The following CEMIP2 variants were observed in gnomAD, a reference collection of about 807,000 sequenced individuals.
The protein encoded by CEMIP2 is cell migration inducing hyaluronidase 2.
Under a neutral mutation model 146.9 loss-of-function variants are expected in CEMIP2, and 79 were observed. The ratio of observed to expected loss-of-function variants is 0.54; its 90% CI spans 0.45 to 0.65. The LOEUF is 0.65. CEMIP2 is among the 30% of genes least tolerant of loss of function. The pLI, the probability that CEMIP2 is intolerant of heterozygous loss-of-function variation, is 0.00. For missense variants in CEMIP2, 1,596 were observed against 1,696.2 expected (o/e 0.94, Z 1.04); for synonymous variants, 601 against 606.3 (o/e 0.99, Z 0.13).
At chr9:71,723,215 A>G (rs1823292548) in intron 11 of CEMIP2, among the ~76,000 whole-genome samples, 1 of 151,982 alleles carries the variant, frequency 6.6e-6, no homozygotes, top group Admixed American at 6.6e-5. Context: ...AAGGCTAAAG[A>G]GGAGCAAACA....
intron 1 of CEMIP2, among the ~76,000 whole-genome samples, chr9:71,764,419 AG>A (rs1824727220): frequency 6.6e-6 from 1 of 151,928 alleles, no homozygotes; most frequent in Non-Finnish European, 1.5e-5. Flanking sequence ...TATCTGAGAA[AG>A]AAAAAAAAAA....
chr9:71,709,417 C>T lies in CEMIP2; in HGVS notation c.2827G>A (p.Asp943Asn). The T allele has an allele frequency of 6.2e-6, 10 of 1,614,190 alleles. No homozygotes were observed. The highest frequency in any genetic ancestry group is 8.5e-6 in the Non-Finnish European group (10 of 1,180,018). Residue 943 changes from aspartate to asparagine, a missense_variant, in exon 17 of 24, where the codon GAT becomes AAT. Asp to Asn is a conservative substitution (Grantham distance 23). Transcript: ENST00000377044. ...TGGAATATGGAGTTCTTATCACCAT[C>T]CATCTCACAATCTTCAAACCAGGGA... ...PGPWFEDCEMDGDKNSIFHDI... is the reference protein window; with the variant it reads ...PGPWFEDCEMNGDKNSIFHDI...
rs1255003273 is a variant in CEMIP2, at chr9:71,708,326, T to C, written c.2985+933A>G. Among the ~76,000 whole-genome samples, 3 of 152,238 alleles carry C rather than the reference T, an allele frequency of 2.0e-5. No homozygotes were observed. The East Asian group carries it at 5.8e-4, about 29-fold the overall frequency. On this transcript the variant is annotated intron_variant, in intron 17 of 23. Coordinates refer to ENST00000377044, the MANE Select transcript of CEMIP2 (RefSeq NM_013390.3). ...TCTCTTCCATCCACCAAAATGTCAC[T>C]ATTAAAATCACCTTTGCAACTTACA...
At chr9:71,702,743 C>T (rs1205979898) in intron 18 of CEMIP2, among the ~76,000 whole-genome samples, 1 of 152,106 alleles carries the variant, frequency 6.6e-6, no homozygotes, top group African/African-American at 2.4e-5. Flanking sequence ...CTCTGACCAT[C>T]GTGTAATTTT....
In CEMIP2 at chr9:71,734,789, T is replaced by A. The variant is rs1428244869; in HGVS notation, c.1393+17A>T. The A allele has an allele frequency of 1.3e-6, 2 of 1,581,390 alleles. No individual in the cohort carries two copies. Among genetic ancestry groups the A allele is most frequent in the Admixed American group, 3.6e-5 (2 of 55,524 alleles). ...AAATAGTGTGTTTCCCAAGAAGTAC[T>A]CTAAGCAGTTTAATACCTTTGACTT... On this transcript the variant is annotated intron_variant, in intron 6 of 23. Transcript: ENST00000377044.
At chr9:71,703,338 G>GGGCC (rs1822630408) in intron 18 of CEMIP2, among the ~76,000 whole-genome samples, 1 of 152,182 alleles carries the variant, frequency 6.6e-6, no homozygotes, top group African/African-American at 2.4e-5. Flanking sequence ...GGGGCACAGA[G>GGGCC]GGCCGCAGCA....
chr9:71,723,136 G>GGAAAAAAAAA (rs562543367), intron 11 of CEMIP2, among the ~76,000 whole-genome samples: 16 of 104,168 alleles, frequency 1.5e-4, no homozygotes, highest in Non-Finnish European at 2.6e-4. Flanking sequence ...AACAGCCAAA[G>GGAAAAAAAAA]AAAAAAAAAA....
chr9:71,704,345 C>T, intron 18 of CEMIP2: 1 of 503,562 alleles, frequency 2.0e-6, no homozygotes, highest in African/African-American at 1.9e-5. Context: ...AGTATTAAAA[C>T]CTATCGTTGA....
chr9:71,741,433 G>A (rs1256422823), intron 4 of CEMIP2, among the ~76,000 whole-genome samples: 1 of 151,662 alleles, frequency 6.6e-6, no homozygotes, highest in African/African-American at 2.4e-5. Flanking sequence ...CCCATCTCAG[G>A]TGATCAGCCT....
rs181586061 is a variant in CEMIP2, at chr9:71,737,282, G to A, written c.1205-2288C>T. 2.4e-4 allele frequency among the ~76,000 whole-genome samples: 36 copies of A among 151,082 alleles called. No homozygotes were observed. The East Asian group carries it at 4.3e-3, about 18-fold the overall frequency. ...AGCCTGGCCAACATGGTGAAACCCC[G>A]TCTCTACTAAAAATACAAAATTAGC... On this transcript the variant is annotated intron_variant, in intron 5 of 23. Coordinates refer to ENST00000377044, the MANE Select transcript of CEMIP2 (RefSeq NM_013390.3).
At chr9:71,751,618 C>T (rs1042051748) in intron 1 of CEMIP2, among the ~76,000 whole-genome samples, 3 of 152,148 alleles carry the variant, frequency 2.0e-5, no homozygotes, top group African/African-American at 7.2e-5. Flanking sequence ...GGCCTCTTTG[C>T]CCTATAATTC....
chr9:71,762,736 T>A (rs1398598932), intron 1 of CEMIP2, among the ~76,000 whole-genome samples: 1 of 152,082 alleles, frequency 6.6e-6, no homozygotes, highest in African/African-American at 2.4e-5. Flanking sequence ...TTAGTATGGG[T>A]GCAGTGGCTC....
chr9:71,744,027 C>G (rs572790686), intron 4 of CEMIP2, among the ~76,000 whole-genome samples: 3 of 152,128 alleles, frequency 2.0e-5, no homozygotes, highest in African/African-American at 4.8e-5. Context: ...AATGTTAGGT[C>G]GGCTACTTCC....
Position 71,745,551 on chromosome 9 carries a change from A to C in CEMIP2, c.501T>G (p.Asp167Glu). Residue 167 changes from aspartate (D) to glutamate (E), a missense_variant, in exon 4 of 24, where the codon GAT (aspartate) becomes GAG (glutamate). Physicochemically the swap from Asp to Glu is conservative, Grantham distance 45 (BLOSUM62 2). Coordinates refer to ENST00000377044, the MANE Select transcript of CEMIP2 (RefSeq NM_013390.3). ...GGLLVFGDNKDGSRNITLRTH... is the reference protein window; with the variant it reads ...GGLLVFGDNKEGSRNITLRTH... Reference sequence around the variant, plus strand: ...TCCTCAAAGTAATATTTCTGGATCCATCTTTATTGTCCCCAAATACAAGCA... The same window carrying C: ...TCCTCAAAGTAATATTTCTGGATCCCTCTTTATTGTCCCCAAATACAAGCA... 6.2e-7 allele frequency: 1 copy of C among 1,609,494 alleles called. No individual in the cohort carries two copies. Among genetic ancestry groups the C allele is most frequent in the Non-Finnish European group, 8.5e-7 (1 of 1,178,518 alleles).
At position 71,688,969 on chromosome 9, in the gene CEMIP2, G is replaced by C. The variant is rs537969557; in HGVS notation, c.3851+1123C>G. ...ATAACCAGAGGCAGATCAAGAAACA[G>C]CATTACCAGTATCTTAAAAGCCTTT... On this transcript the variant is annotated intron_variant, in intron 22 of 23. Coordinates refer to ENST00000377044, the MANE Select transcript of CEMIP2 (RefSeq NM_013390.3). 4.6e-5 allele frequency among the ~76,000 whole-genome samples: 7 copies of C among 152,250 alleles called. No individual in the cohort carries two copies. The South Asian group carries it at 1.5e-3, about 32-fold the overall frequency.
intron 8 of CEMIP2, 21 bp downstream of exon 8, chr9:71,730,684 A>C (rs773777823): frequency 6.2e-7 from 1 of 1,612,068 alleles, no homozygotes; most frequent in Non-Finnish European, 8.5e-7. Flanking sequence ...ATATGGGTTG[A>C]CCTAATGCGA....
At chr9:71,715,219 A>C in intron 14 of CEMIP2, 130 bp from the exon 15 acceptor site, 14 of 763,864 alleles carry the variant, frequency 1.8e-5, no homozygotes, top group Non-Finnish European at 2.3e-5. Context: ...ATACACATTC[A>C]CAAGTCTTCA....
intron 1 of CEMIP2, among the ~76,000 whole-genome samples, chr9:71,764,322 A>G (rs1250399770): frequency 6.6e-6 from 1 of 152,188 alleles, no homozygotes; most frequent in Non-Finnish European, 1.5e-5. Flanking sequence ...ACCTGAAAGC[A>G]GTGACTTTCA....
chr9:71,768,948 A>T (rs1033172418), upstream of CEMIP2: 185 of 151,886 alleles, frequency 1.2e-3, 1 homozygote, highest in Non-Finnish European at 2.3e-3. Context: ...GAGGGAGAGG[A>T]GGAGCCTGCC....
Sources: allele counts gnomAD v4.1 joint callset (sites outside exome capture counted in the v4.1 genomes callset), GRCh38; gene constraint gnomAD v4.1.1; transcripts MANE v1.5; gene names NCBI Gene and HGNC (gene_info 2026-07-23, HGNC 2026-07-21).